MMP26: variants seen among roughly 807,000 people sequenced by gnomAD.
MMP26 encodes the protein matrix metalloproteinase-26.
A neutral mutation model predicts 31.0 loss-of-function variants in MMP26; 33 were observed. The observed-to-expected ratio is 1.06, with a 90% CI of 0.81 to 1.42. MMP26 has a LOEUF of 1.42. MMP26 is among the 40% of genes most tolerant of loss of function. MMP26 has a pLI of 0.00. For missense variants in MMP26, 347 were observed against 316.1 expected (o/e 1.10, Z -0.74); for synonymous variants, 122 against 114.9 (o/e 1.06, Z -0.40).
intron 1 of MMP26, chr11:4,723,844 C>T (rs1014926933): frequency 3.2e-5 from 49 of 1,519,834 alleles, no homozygotes; most frequent in Admixed American, 2.5e-4. Flanking sequence ...CTCCAGGAAC[C>T]GTACCTTGTC....
chr11:4,895,332 C>G (rs895534743), intron 2 of MMP26, among the ~76,000 whole-genome samples: 1 of 152,190 alleles, frequency 6.6e-6, no homozygotes, highest in Admixed American at 6.5e-5. Flanking sequence ...ACCATAACGT[C>G]ATCTCACCTG....
At chr11:4,964,969 G>A (rs1369970928) in intron 2 of MMP26, among the ~76,000 whole-genome samples, 5 of 152,140 alleles carry the variant, frequency 3.3e-5, no homozygotes, top group Non-Finnish European at 5.9e-5. Flanking sequence ...GCTAATGGAT[G>A]TTGGGCTTAA....
chr11:4,714,899 A>ATCTC (rs71466199), intron 1 of MMP26, among the ~76,000 whole-genome samples: 2,637 of 132,392 alleles, frequency 0.02, 34 homozygotes, highest in Middle Eastern at 0.038. Flanking sequence ...AAAACCCCAA[A>ATCTC]TCTCTCTCTC....
chr11:4,722,242 A>G (rs543135950), intron 1 of MMP26, among the ~76,000 whole-genome samples: 1 of 152,288 alleles, frequency 6.6e-6, no homozygotes, highest in South Asian at 2.1e-4. Context: ...AGCCATGTCC[A>G]TTATTCTATA....
At chr11:4,879,009 G>A (rs1174896087) in intron 2 of MMP26, among the ~76,000 whole-genome samples, 1 of 152,138 alleles carries the variant, frequency 6.6e-6, no homozygotes, top group Non-Finnish European at 1.5e-5. Flanking sequence ...GCCGAGGCGG[G>A]TGGATCATGT....
intron 2 of MMP26, chr11:4,914,750 C>T (rs1288955599): frequency 4.3e-6 from 7 of 1,613,224 alleles, no homozygotes; most frequent in Admixed American, 1.7e-5. Flanking sequence ...CACTCGATCC[C>T]GGATCTGTTT....
intron 2 of MMP26, chr11:4,860,486 G>A (rs1268616405): frequency 6.4e-6 from 3 of 470,980 alleles, no homozygotes; most frequent in Admixed American, 2.4e-5. Flanking sequence ...GCCAACCATG[G>A]GTTCTTGTCT....
chr11:4,754,843 C>T lies in MMP26; in HGVS notation c.-216-12427C>T, dbSNP rs140350505. 1.9e-3 allele frequency among the ~76,000 whole-genome samples: 282 copies of T among 152,028 alleles called. 4 individuals carry two copies. The highest frequency in any genetic ancestry group is 6.3e-3 in the African/African-American group (261 of 41,534). The stretch of plus-strand genomic sequence containing the variant: ...GAATATTAGAGCCACATGTCTAATT[C>T]GTTGATTCTTCCACCTTAAATATCT... On this transcript the variant is annotated intron_variant, in intron 1 of 7. Transcript: ENST00000380390.
In MMP26 at chr11:4,986,920, TCTCTCTCTCTCC is replaced by T. The variant is rs1386229781; in HGVS notation, c.-144-1136_-144-1125del. Among the ~76,000 whole-genome samples the T allele has an allele frequency of 3.8e-4, 42 of 109,154 alleles. 1 individual carries two copies. The highest frequency in any genetic ancestry group is 4.8e-4 in the Non-Finnish European group (25 of 51,746). The allele number at this position is 109,154 out of a possible 152,430, so 71.6% of individuals were successfully genotyped here. On this transcript the variant is annotated intron_variant, in intron 2 of 7. Transcript: ENST00000380390. ...CTTCCTTCCTTTCTCTCTCTCTCTC[TCTCTCTCTCTCC>T]CTCTCTCTCTCTCTCTCTCTCTCTC...
At chr11:4,852,171 A>G (rs1182131123) in intron 2 of MMP26, among the ~76,000 whole-genome samples, 4 of 152,152 alleles carry the variant, frequency 2.6e-5, no homozygotes, top group Admixed American at 6.5e-5. Flanking sequence ...ATAAATGCAT[A>G]TATAAAGAAC....
chr11:4,730,404 AAGAGAGAG>A (rs59289871), intron 1 of MMP26, among the ~76,000 whole-genome samples: 9 of 144,952 alleles, frequency 6.2e-5, no homozygotes, highest in African/African-American at 2.4e-4. Flanking sequence ...GTTTCTGGGA[AAGAGAGAG>A]AGAGAGAGAG....
At chr11:4,930,596 T>G (rs1213807886) in intron 2 of MMP26, among the ~76,000 whole-genome samples, 4 of 152,102 alleles carry the variant, frequency 2.6e-5, no homozygotes, top group Non-Finnish European at 5.9e-5. Flanking sequence ...TTTGCCTTAC[T>G]ATGTCTTTGC....
intron 2 of MMP26, chr11:4,821,365 A>G (rs1347719052): frequency 1.3e-5 from 21 of 1,573,878 alleles, no homozygotes; most frequent in Non-Finnish European, 1.7e-5. Flanking sequence ...GTGATAAACT[A>G]TGTATTATGT....
intron 2 of MMP26, among the ~76,000 whole-genome samples, chr11:4,798,389 C>A (rs1433906): frequency 1.3e-5 from 2 of 152,156 alleles, no homozygotes; most frequent in African/African-American, 2.4e-5. Flanking sequence ...CTTCAGCCTT[C>A]GGCTTTATCA....
intron 2 of MMP26, among the ~76,000 whole-genome samples, chr11:4,960,843 C>T (rs1846511417): frequency 6.6e-6 from 1 of 151,948 alleles, no homozygotes; most frequent in East Asian, 1.9e-4. Context: ...ATAATAATGA[C>T]ATACATATTT....
chr11:4,859,476 C>G, intron 2 of MMP26: 3 of 351,792 alleles, frequency 8.5e-6, no homozygotes, highest in Non-Finnish European at 1.7e-5. Flanking sequence ...TGTTATGTAT[C>G]TTCACCCACA....
rs777212391 is a variant in MMP26 at position 4,769,260 on chromosome 11, A to G, written c.-145+1919A>G. 7.4e-6 allele frequency: 12 copies of G among 1,613,626 alleles called. No individual in the cohort carries two copies. In the South Asian group the frequency reaches 8.8e-5, roughly 12 times the overall value. On this transcript the variant is annotated intron_variant, in intron 2 of 7. Coordinates refer to ENST00000380390, the MANE Select transcript of MMP26 (RefSeq NM_021801.5). The stretch of plus-strand genomic sequence containing the variant: ...AGGACAGAGTGAATAATTAAGATAT[A>G]TGACAGGACAATGCATGGTGTATCT...
intron 2 of MMP26, chr11:4,848,459 G>A (rs774779619): frequency 6.2e-7 from 1 of 1,613,740 alleles, no homozygotes; most frequent in Non-Finnish European, 8.5e-7. Flanking sequence ...CAGAGAGGTG[G>A]GCAGCACAGG....
At chr11:4,889,271 T>C (rs1850584452) in intron 2 of MMP26, among the ~76,000 whole-genome samples, 1 of 152,108 alleles carries the variant, frequency 6.6e-6, no homozygotes, top group Non-Finnish European at 1.5e-5. Context: ...GCATCTTACC[T>C]ACACACATCC....
Sources: gnomAD v4.1 joint callset for allele counts (sites outside exome capture counted in the v4.1 genomes callset) on GRCh38, gnomAD v4.1.1 for gene constraint, MANE v1.5 for transcripts, NCBI Gene and HGNC (gene_info 2026-07-23, HGNC 2026-07-21) for gene names.